PALM2AKAP2: variants seen among roughly 807,000 people sequenced by gnomAD.
PALM2AKAP2 encodes the protein PALM2 and AKAP2 fusion.
A neutral mutation model predicts 71.5 loss-of-function variants in PALM2AKAP2; 37 were observed. The ratio of observed to expected loss-of-function variants is 0.52; its 90% CI spans 0.40 to 0.68. The LOEUF is 0.68. Among genes scored for constraint, PALM2AKAP2 ranks in the 30% least tolerant of loss-of-function variants. The pLI is 0.00. For missense variants in PALM2AKAP2, 1,224 were observed against 1,191.8 expected, an observed-to-expected ratio of 1.03 and a Z score of -0.40; for synonymous variants, 468 against 478.8, an observed-to-expected ratio of 0.98 and a Z score of 0.29.
chr9:109,925,009 G>A, intron 4 of PALM2AKAP2, 52 bp from the exon 5 acceptor site: 2 of 1,613,200 alleles, frequency 1.2e-6, no homozygotes, highest in South Asian at 1.1e-5. Context: ...GAAAAGATGG[G>A]ATTGTACCCC....
intron 6 of PALM2AKAP2, chr9:109,945,853 C>T (rs1213835321): frequency 6.6e-6 from 1 of 152,206 alleles, no homozygotes; most frequent in Non-Finnish European, 1.5e-5. Flanking sequence ...CTTACTACAA[C>T]ACTACACACA....
At chr9:109,973,097 A>G (rs1930249) in intron 6 of PALM2AKAP2, among the ~76,000 whole-genome samples, 25,357 of 152,164 alleles carry the variant, frequency 0.17, 2,450 homozygotes, top group East Asian at 0.41. Context: ...GAATGGATCA[A>G]CTTTCATTCA....
chr9:110,122,124 C>T (rs1835500950), intron 1 of PALM2AKAP2, among the ~76,000 whole-genome samples: 1 of 152,162 alleles, frequency 6.6e-6, no homozygotes, highest in Non-Finnish European at 1.5e-5. Flanking sequence ...CCTTGACCTC[C>T]CAGGCTCAAG....
intron 1 of PALM2AKAP2, among the ~76,000 whole-genome samples, chr9:109,761,348 A>G (rs1194438530): frequency 6.6e-6 from 1 of 151,766 alleles, no homozygotes; most frequent in African/African-American, 2.4e-5. Flanking sequence ...AATGTCTGAA[A>G]CAAGGATAGA....
At chr9:109,767,510 C>T (rs1218747928) in intron 1 of PALM2AKAP2, among the ~76,000 whole-genome samples, 1 of 152,226 alleles carries the variant, frequency 6.6e-6, no homozygotes, top group Non-Finnish European at 1.5e-5. Context: ...CATCTTCTTC[C>T]CTGCCTCATC....
At chr9:110,008,325 C>G (rs1038447836) in intron 6 of PALM2AKAP2, among the ~76,000 whole-genome samples, 7 of 151,982 alleles carry the variant, frequency 4.6e-5, no homozygotes, top group Non-Finnish European at 7.4e-5. Context: ...CAACTGGGCA[C>G]AGTGGAAACA....
At chr9:109,716,532 G>C (rs563924558) in intron 1 of PALM2AKAP2, among the ~76,000 whole-genome samples, 1 of 152,268 alleles carries the variant, frequency 6.6e-6, no homozygotes, top group Non-Finnish European at 1.5e-5. Context: ...AACGTAAATG[G>C]GCATTCTGTA....
chr9:110,020,998 C>T (rs548221647), intron 7 of PALM2AKAP2, among the ~76,000 whole-genome samples: 2 of 151,978 alleles, frequency 1.3e-5, no homozygotes, highest in African/African-American at 4.8e-5. Flanking sequence ...CCCAGCTACT[C>T]CGGAGGCTGA....
intron 1 of PALM2AKAP2, among the ~76,000 whole-genome samples, chr9:110,107,148 G>T (rs1023860454): frequency 6.6e-6 from 1 of 152,092 alleles, no homozygotes; most frequent in African/African-American, 2.4e-5. Flanking sequence ...TAGTTGTTTG[G>T]TTTTTTTAAA....
At chr9:109,841,349 T>C (rs139338349) in intron 1 of PALM2AKAP2, among the ~76,000 whole-genome samples, 1,516 of 129,638 alleles carry the variant, frequency 0.012, 35 homozygotes, top group African/African-American at 0.04. Context: ...GGGAACATCA[T>C]ACACTGGGGC....
At chr9:109,904,379 ATGT>A (rs1286940753) in intron 3 of PALM2AKAP2, among the ~76,000 whole-genome samples, 1 of 152,172 alleles carries the variant, frequency 6.6e-6, no homozygotes, top group African/African-American at 2.4e-5. Flanking sequence ...CATTACACAA[ATGT>A]TGTTATTATT....
intron 1 of PALM2AKAP2, among the ~76,000 whole-genome samples, chr9:110,061,693 C>G (rs894163303): frequency 3.3e-5 from 5 of 150,648 alleles, no homozygotes; most frequent in African/African-American, 1.2e-4. Flanking sequence ...TACACACCAC[C>G]ACGCCTGGCT....
intron 1 of PALM2AKAP2, among the ~76,000 whole-genome samples, chr9:109,828,458 G>A (rs535391704): frequency 7.2e-5 from 11 of 152,286 alleles, no homozygotes; most frequent in African/African-American, 2.4e-4. Context: ...GCCTAGTTGC[G>A]TTCTGTTCAT....
intron 1 of PALM2AKAP2, among the ~76,000 whole-genome samples, chr9:109,739,615 G>C (rs896989456): frequency 3.3e-5 from 5 of 152,152 alleles, no homozygotes; most frequent in Non-Finnish European, 2.9e-5. Flanking sequence ...TGGCAGAATT[G>C]GTCTTGGAAT....
chr9:109,784,167 TAAC>T (rs1006077803), intron 1 of PALM2AKAP2, among the ~76,000 whole-genome samples: 5 of 152,222 alleles, frequency 3.3e-5, no homozygotes, highest in South Asian at 4.1e-4. Context: ...CAGGGACTAA[TAAC>T]AACAATTGCC....
chr9:109,812,390 G>A (rs1329298479), intron 1 of PALM2AKAP2, among the ~76,000 whole-genome samples: 2 of 152,276 alleles, frequency 1.3e-5, no homozygotes, highest in Admixed American at 6.5e-5. Context: ...GGAAGAACCT[G>A]GGTTGGTCTC....
At chr9:109,960,267 A>G (rs1431871616) in intron 6 of PALM2AKAP2, among the ~76,000 whole-genome samples, 2 of 151,726 alleles carry the variant, frequency 1.3e-5, no homozygotes, top group Non-Finnish European at 1.5e-5. Flanking sequence ...CCCTGCACCC[A>G]CCCACCTTTC....
intron 7 of PALM2AKAP2, among the ~76,000 whole-genome samples, chr9:110,035,692 GGATATGTTGTGTGTTATATA>G (rs1833388376): frequency 1.2e-5 from 1 of 82,656 alleles, no homozygotes; most frequent in Non-Finnish European, 2.3e-5. Context: ...AACATATATA[GGATATGTTGTGTGTTATATA>G]TAACATATAT....
intron 6 of PALM2AKAP2, among the ~76,000 whole-genome samples, chr9:110,008,729 G>T (rs76873494): frequency 0.01 from 1,553 of 152,046 alleles, 27 homozygotes; most frequent in African/African-American, 0.036. Flanking sequence ...GGTTGCTTGT[G>T]TCTCTGTGCT....
Sources: gnomAD v4.1 joint callset for allele counts (sites outside exome capture counted in the v4.1 genomes callset) on GRCh38, gnomAD v4.1.1 for gene constraint, MANE v1.5 for transcripts, NCBI Gene and HGNC (gene_info 2026-07-23, HGNC 2026-07-21) for gene names.